DMD: variants seen among roughly 807,000 people sequenced by gnomAD.
DMD encodes the protein dystrophin.
Under a neutral mutation model 330.1 loss-of-function variants are expected in DMD, and 63 were observed. That is an observed-to-expected ratio of 0.19 (90% confidence interval 0.16 to 0.24). The LOEUF (loss-of-function observed/expected upper bound fraction) is 0.24, where lower values mean the gene tolerates loss of function less well. Ranked by LOEUF, DMD falls within the 10% of genes least tolerant of loss-of-function variation. The pLI, the probability that DMD is intolerant of heterozygous loss-of-function variation, is 1.00. For synonymous variants in DMD, 1,223 were observed against 959.8 expected, an observed-to-expected ratio of 1.27 and a Z score of -5.07; for missense variants, 3,344 against 2,684.1, an observed-to-expected ratio of 1.25 and a Z score of -5.43.
chrX:32,600,804 G>C (rs1388696777), intron 12 of DMD, among the ~76,000 whole-genome samples: 1 of 110,954 alleles, frequency 9.0e-6, no homozygotes, highest in Admixed American at 9.7e-5. Flanking sequence ...AAAAATTGTA[G>C]CAAACATAAA....
At chrX:32,827,584 C>G (rs1467144569) in intron 4 of DMD, among the ~76,000 whole-genome samples, 1 of 110,746 alleles carries the variant, frequency 9.0e-6, no homozygotes, top group African/African-American at 3.3e-5. Context: ...TCCCTCCTCC[C>G]ACCTTTTACT....
intron 7 of DMD, among the ~76,000 whole-genome samples, chrX:32,714,314 C>A (rs2065469045): frequency 9.0e-6 from 1 of 111,222 alleles, no homozygotes; most frequent in African/African-American, 3.3e-5. Context: ...TCATCTCTCA[C>A]CCCCTTCCCA....
intron 42 of DMD, among the ~76,000 whole-genome samples, chrX:32,297,874 T>C (rs1364654539): frequency 9.1e-6 from 1 of 110,347 alleles, no homozygotes; most frequent in Non-Finnish European, 1.9e-5. Flanking sequence ...GAAAGAAAAA[T>C]CATGAGAATA....
rs183925997 is a variant in DMD at position 31,861,837 on chromosome X, G to A, written c.7098+13351C>T. On this transcript the variant is annotated intron_variant, in intron 48 of 78. Transcript: ENST00000357033. ...GTGCTTTTCCTTCTGCCCTCGCCAAGCCAAGGAAAAGGGCTTCAAAAGAAC... is the reference window on the plus strand; with the variant it reads ...GTGCTTTTCCTTCTGCCCTCGCCAAACCAAGGAAAAGGGCTTCAAAAGAAC... Among the ~76,000 whole-genome samples the A allele has an allele frequency of 3.8e-3, 379 of 98,644 alleles. 2 individuals carry two copies. The highest frequency in any genetic ancestry group is 0.014 in the African/African-American group (350 of 25,924). The allele number at this position is 98,644 out of a possible 115,157, so 85.7% of individuals were successfully genotyped here. A position where few individuals can be genotyped will look rare whatever the true frequency, so the allele number is the denominator to read the frequency against.
intron 23 of DMD, 61 bp downstream of exon 23, chrX:32,468,430 TTACAGTG>T: frequency 6.3e-6 from 6 of 958,807 alleles, no homozygotes; most frequent in Middle Eastern, 3.6e-4. Context: ...CCTTTACAGT[TTACAGTG>T]TATCGTTAGG....
chrX:31,917,517 A>C (rs962665171), intron 47 of DMD, among the ~76,000 whole-genome samples: 1 of 112,046 alleles, frequency 8.9e-6, no homozygotes, highest in Non-Finnish European at 1.9e-5. Flanking sequence ...CAGTGTTTGC[A>C]GTGGCGGTGG....
chrX:32,483,836 A>AAAAC (rs1264271125), intron 21 of DMD, among the ~76,000 whole-genome samples: 1 of 107,211 alleles, frequency 9.3e-6, no homozygotes, highest in East Asian at 2.9e-4. Flanking sequence ...AAAAAAAAAA[A>AAAAC]AAAAAAAGTA....
intron 51 of DMD, among the ~76,000 whole-genome samples, chrX:31,766,873 T>TTGTGTGTGTG (rs756777827): frequency 0.16 from 15,730 of 100,786 alleles, 1,015 homozygotes; most frequent in East Asian, 0.22. Flanking sequence ...AAATATGATT[T>TTGTGTGTGTG]TGTGTGTGTG....
At chrX:32,053,044 C>T (rs764147181) in intron 44 of DMD, among the ~76,000 whole-genome samples, 44 of 111,800 alleles carry the variant, frequency 3.9e-4, no homozygotes, top group Non-Finnish European at 7.7e-4. Flanking sequence ...TCTCTCTTGT[C>T]TATTCCCACA....
intron 2 of DMD, among the ~76,000 whole-genome samples, chrX:32,989,643 T>C (rs749425421): frequency 8.9e-6 from 1 of 111,962 alleles, no homozygotes; most frequent in South Asian, 3.7e-4. Context: ...GAGAGCTCAA[T>C]ATTTTCAAAT....
At chrX:31,266,911 GCGC>G (rs925751689) in intron 62 of DMD, 29 of 1,171,258 alleles carry the variant, frequency 2.5e-5, no homozygotes, top group South Asian at 7.5e-5. Flanking sequence ...CGAAAGTGGA[GCGC>G]CGCCGCCGCC....
At chrX:32,910,697 C>T (rs771037332) in intron 2 of DMD, among the ~76,000 whole-genome samples, 60 of 111,668 alleles carry the variant, frequency 5.4e-4, no homozygotes, top group African/African-American at 2.0e-3. Context: ...TGCCTCGGCC[C>T]CCCAAAGTGC....
intron 61 of DMD, among the ~76,000 whole-genome samples, chrX:31,327,857 TTTC>T (rs1168949911): frequency 8.9e-6 from 1 of 112,683 alleles, no homozygotes; most frequent in Non-Finnish European, 1.9e-5. Flanking sequence ...CAACGATTTG[TTTC>T]TTTTCATTGC....
intron 65 of DMD, 32 bp downstream of exon 65, chrX:31,209,466 G>C: frequency 8.4e-7 from 1 of 1,188,319 alleles, no homozygotes; most frequent in Non-Finnish European, 1.1e-6. Context: ...TCCTGTGACA[G>C]AGCCCGGGAA....
intron 44 of DMD, among the ~76,000 whole-genome samples, chrX:32,006,751 C>T (rs1244631338): frequency 9.1e-6 from 1 of 110,095 alleles, no homozygotes; most frequent in Non-Finnish European, 1.9e-5. Context: ...TTAGGGTGGG[C>T]TCTAAATCCA....
At chrX:32,152,670 G>T (rs929730581) in intron 44 of DMD, among the ~76,000 whole-genome samples, 3 of 111,493 alleles carry the variant, frequency 2.7e-5, no homozygotes, top group African/African-American at 9.8e-5. Flanking sequence ...TTTGTTTTAA[G>T]ATCATAAAAA....
At chrX:31,287,253 C>T (rs1188410019) in intron 62 of DMD, among the ~76,000 whole-genome samples, 6 of 111,793 alleles carry the variant, frequency 5.4e-5, no homozygotes, top group Admixed American at 4.7e-4. Context: ...TAGGAGGTAT[C>T]GTGACCTTAG....
intron 2 of DMD, among the ~76,000 whole-genome samples, chrX:32,946,555 A>C (rs900218132): frequency 8.9e-6 from 1 of 112,207 alleles, no homozygotes; most frequent in African/African-American, 3.2e-5. Flanking sequence ...TCTACTAATC[A>C]TCTTTTCCTA....
intron 55 of DMD, among the ~76,000 whole-genome samples, chrX:31,516,328 C>T (rs1182347386): frequency 1.9e-5 from 2 of 103,357 alleles, no homozygotes; most frequent in African/African-American, 3.5e-5. Flanking sequence ...ACAAGTTTTT[C>T]GAGAAGAATC....
Sources: gnomAD v4.1 joint callset for allele counts (sites outside exome capture counted in the v4.1 genomes callset) on GRCh38, gnomAD v4.1.1 for gene constraint, MANE v1.5 for transcripts, NCBI Gene and HGNC (gene_info 2026-07-23, HGNC 2026-07-21) for gene names.